PPIL2: variants seen among roughly 807,000 people sequenced by gnomAD.
The protein encoded by PPIL2 is RING-type E3 ubiquitin-protein ligase PPIL2.
PPIL2 carries 50 observed loss-of-function variants against 75.2 expected under a neutral mutation model. That is an observed-to-expected ratio of 0.66 (90% CI 0.53 to 0.84). The LOEUF (loss-of-function observed/expected upper bound fraction) is 0.84, where lower values mean the gene tolerates loss of function less well. Among genes scored for constraint, PPIL2 ranks in the 40% least tolerant of loss-of-function variants. The pLI, the probability that PPIL2 is intolerant of heterozygous loss-of-function variation, is 0.00. For missense variants in PPIL2, 590 were observed against 685.0 expected, an observed-to-expected ratio of 0.86 and a Z score of 1.55; for synonymous variants, 245 against 258.8, an observed-to-expected ratio of 0.95 and a Z score of 0.51.
chr22:21,696,870 C>A lies in PPIL2; in HGVS notation c.*1380C>A. On this transcript the variant is annotated 3_prime_UTR_variant, in exon 20 of 20. Coordinates refer to ENST00000398831, the MANE Select transcript of PPIL2 (RefSeq NM_014337.4). ...CCTCATCTGCATCTCTGCCTCACCC[C>A]ATCCACTGCCACAGGCTGCCTGATG... 6.3e-7 allele frequency: 1 copy of A among 1,586,940 alleles called. No individual in the cohort carries two copies. Among genetic ancestry groups the A allele is most frequent in the South Asian group, 1.2e-5 (1 of 86,218 alleles).
At chr22:21,680,129 T>A (rs2067050343) in intron 6 of PPIL2, among the ~76,000 whole-genome samples, 1 of 150,248 alleles carries the variant, frequency 6.7e-6, no homozygotes. Flanking sequence ...CAAATACATG[T>A]GGTTGATGTT....
chr22:21,677,476 C>T (rs968544820), intron 6 of PPIL2, among the ~76,000 whole-genome samples: 9 of 152,250 alleles, frequency 5.9e-5, no homozygotes, highest in African/African-American at 2.2e-4. Flanking sequence ...TGGCAGGTCA[C>T]TCGCGGTTAG....
rs2067987435 is a variant in PPIL2, at chr22:21,697,579, A to C, written c.*2089A>C. The C allele has an allele frequency of 6.4e-6, 1 of 155,040 alleles. No homozygotes were observed. The highest frequency in any genetic ancestry group is 2.4e-5 in the African/African-American group (1 of 41,474). 9.6% of individuals were successfully genotyped at this position (155,040 alleles called of 1,614,324 possible). A position where few individuals can be genotyped will look rare whatever the true frequency, so the allele number is the denominator to read the frequency against. On this transcript the variant is annotated 3_prime_UTR_variant, in exon 20 of 20. Transcript: ENST00000398831. ...GAAGCTTTATTTGTAAACCTCACAC[A>C]GATAAGGACCAAGGGCTGGCGGTGT...
chr22:21,694,972 C>G lies in PPIL2; in HGVS notation c.1368C>G (p.Ala456=). The G allele has an allele frequency of 1.2e-6, 2 of 1,613,910 alleles. No individual in the cohort carries two copies. Among genetic ancestry groups the G allele is most frequent in the Non-Finnish European group, 1.7e-6 (2 of 1,180,026 alleles). The change falls in exon 19 of 20, where the codon GCC becomes GCG. Residue 456 remains alanine (A), a synonymous_variant. Coordinates refer to ENST00000398831, the MANE Select transcript of PPIL2 (RefSeq NM_014337.4). ...AGCGGAAGACACAGCTCAAGGTAGC[C>G]CCGGAGACCAAAGTGAAGAGCAGCC... is the stretch of plus-strand genomic sequence containing the variant. ...AQERKTQLKV[A]PETKVKSSQP... is the part of the protein sequence containing the mutation.
intron 8 of PPIL2, among the ~76,000 whole-genome samples, chr22:21,682,787 T>C (rs2067185978): frequency 6.6e-6 from 1 of 152,236 alleles, no homozygotes; most frequent in South Asian, 2.1e-4. Context: ...TGAAAAACAC[T>C]GACTTAGAAA....
chr22:21,674,227 G>T (rs920936531), intron 5 of PPIL2, among the ~76,000 whole-genome samples: 1 of 152,134 alleles, frequency 6.6e-6, no homozygotes, highest in African/African-American at 2.4e-5. Flanking sequence ...TCCCTTCCAG[G>T]GTCTCCCCAC....
At chr22:21,680,949 G>A (rs2067101563) in intron 6 of PPIL2, among the ~76,000 whole-genome samples, 1 of 152,112 alleles carries the variant, frequency 6.6e-6, no homozygotes, top group African/African-American at 2.4e-5. Flanking sequence ...GTGGGTGAGA[G>A]GAGGTAGAGC....
At position 21,697,086 on chromosome 22, in the gene PPIL2, A is replaced by C; in HGVS notation, c.*1596A>C. 7.9e-7 allele frequency: 1 copy of C among 1,263,496 alleles called. No homozygotes were observed. The highest frequency in any genetic ancestry group is 2.5e-5 in the East Asian group (1 of 39,626). The allele number at this position is 1,263,496 out of a possible 1,614,324, so 78.3% of individuals were successfully genotyped here. A position where few individuals can be genotyped will look rare whatever the true frequency, so the allele number is the denominator to read the frequency against. On this transcript the variant is annotated 3_prime_UTR_variant, in exon 20 of 20. Transcript: ENST00000398831. ...TCTAGAGTGACTTTTGACGCCCTCC[A>C]TCCCTCCCGCCAGGCACTGTCCTCC...
Position 21,670,581 on chromosome 22 carries a change from A to G in PPIL2, c.98A>G (p.Asn33Ser), listed in dbSNP as rs1555893524. The change falls in exon 3 of 20, where the codon AAT (asparagine) becomes AGT (serine). Residue 33 changes from asparagine (N) to serine (S), a missense_variant. By Grantham distance (46) the Asn-to-Ser change is conservative. Transcript: ENST00000398831. ...TTTTAAACAGATCTCCCACAAACAA[A>G]TTTTCGTCGTTTACCTTTTGACCAC... is the stretch of plus-strand genomic sequence containing the variant. The part of the protein sequence containing the change: ...GGKKPDLPQT[N>S]FRRLPFDHCS... The G allele has an allele frequency of 1.2e-6, 2 of 1,611,448 alleles. No individual in the cohort carries two copies. Among genetic ancestry groups the G allele is most frequent in the Admixed American group, 1.7e-5 (1 of 60,002 alleles).
At chr22:21,682,987 T>TCCCTGC (rs903946730) in intron 8 of PPIL2, among the ~76,000 whole-genome samples, 195 bp from the exon 9 acceptor site, 3 of 152,026 alleles carry the variant, frequency 2.0e-5, no homozygotes, top group East Asian at 1.9e-4. Context: ...TGCGTCCCCG[T>TCCCTGC]CCCTGCCCCT....
Position 21,670,572 on chromosome 22 carries a change from C to T in PPIL2, c.89C>T (p.Pro30Leu). The T allele has an allele frequency of 3.1e-6, 5 of 1,610,374 alleles. No individual in the cohort carries two copies. Among genetic ancestry groups the T allele is most frequent in the Non-Finnish European group, 4.2e-6 (5 of 1,176,658 alleles). The change falls in exon 3 of 20, where the codon CCA (proline) becomes CTA (leucine). Residue 30 changes from proline to leucine, a missense_variant. Transcript: ENST00000398831. ...HFYGGKKPDL[P>L]QTNFRRLPFD... ...TTATTTCATTTTTAAACAGATCTCCCACAAACAAATTTTCGTCGTTTACCT... is the reference window on the plus strand; with the variant it reads ...TTATTTCATTTTTAAACAGATCTCCTACAAACAAATTTTCGTCGTTTACCT...
chr22:21,667,289 T>G (rs1402269977), intron 1 of PPIL2, among the ~76,000 whole-genome samples: 1 of 151,894 alleles, frequency 6.6e-6, no homozygotes, highest in African/African-American at 2.4e-5. Context: ...CCCGAGTAGC[T>G]GGGATTACAG....
chr22:21,693,980 T>C, intron 16 of PPIL2, 108 bp downstream of exon 16: 4 of 1,210,852 alleles, frequency 3.3e-6, no homozygotes, highest in Non-Finnish European at 2.4e-6. Flanking sequence ...TCATGTGCCA[T>C]GCTGGCCATC....
intron 9 of PPIL2, among the ~76,000 whole-genome samples, chr22:21,684,454 C>CAAAAAAAAAAAAA (rs1028354500): frequency 3.6e-4 from 17 of 47,516 alleles, no homozygotes; most frequent in East Asian, 6.5e-4. Context: ...TCCATCTCCA[C>CAAAAAAAAAAAAA]AAAAAAAAAA....
At chr22:21,673,553 C>T (rs1207729883) in intron 5 of PPIL2, 1 of 152,274 alleles carries the variant, frequency 6.6e-6, no homozygotes, top group Non-Finnish European at 1.5e-5. Flanking sequence ...TGTGCTGGCC[C>T]CCACACCCAC....
intron 5 of PPIL2, among the ~76,000 whole-genome samples, chr22:21,673,088 G>A (rs373659851): frequency 1.3e-5 from 2 of 152,228 alleles, no homozygotes; most frequent in East Asian, 3.8e-4. Flanking sequence ...CCAGGGGGCT[G>A]GTTTTTGAGT....
intron 15 of PPIL2, among the ~76,000 whole-genome samples, chr22:21,692,529 T>TA (rs147478738): frequency 0.038 from 5,772 of 152,164 alleles, 376 homozygotes; most frequent in African/African-American, 0.13. Flanking sequence ...GCTTTCTAGT[T>TA]ACCATTTTTT....
At chr22:21,684,131 C>T (rs2067241906) in intron 9 of PPIL2, among the ~76,000 whole-genome samples, 1 of 151,154 alleles carries the variant, frequency 6.6e-6, no homozygotes, top group East Asian at 1.9e-4. Flanking sequence ...CGATTGAGCC[C>T]AGGAGGTGGA....
At chr22:21,675,955 AG>A (rs2066824066) in intron 6 of PPIL2, among the ~76,000 whole-genome samples, 1 of 152,298 alleles carries the variant, frequency 6.6e-6, no homozygotes, top group South Asian at 2.1e-4. Context: ...ACCCCTGCCC[AG>A]GTGGTGATCT....
Sources: gnomAD v4.1 joint callset for allele counts (sites outside exome capture counted in the v4.1 genomes callset) on GRCh38, gnomAD v4.1.1 for gene constraint, MANE v1.5 for transcripts, NCBI Gene and HGNC (gene_info 2026-07-23, HGNC 2026-07-21) for gene names.